SSH1: variants seen among roughly 807,000 people sequenced by gnomAD.
The protein encoded by SSH1 is slingshot protein phosphatase 1, also known as protein phosphatase Slingshot homolog 1.
SSH1 carries 43 observed loss-of-function variants against 79.7 expected under a neutral mutation model. That is an observed-to-expected ratio of 0.54 (90% confidence interval 0.42 to 0.70). The LOEUF is 0.70. Ranked by LOEUF, SSH1 falls within the 30% of genes least tolerant of loss-of-function variation. SSH1 has a pLI of 0.00. For synonymous variants in SSH1, 599 were observed against 538.3 expected (o/e 1.11, Z -1.56); for missense variants, 1,206 against 1,358.8 (o/e 0.89, Z 1.77).
At chr12:108,790,664 G>C (rs565770411) in intron 14 of SSH1, among the ~76,000 whole-genome samples, 2 of 152,342 alleles carry the variant, frequency 1.3e-5, no homozygotes, top group South Asian at 4.1e-4. Context: ...ATTAGTATTT[G>C]ATTTGGAATG....
intron 6 of SSH1, 38 bp downstream of exon 6, chr12:108,811,222 A>G (rs1469032787): frequency 6.3e-7 from 1 of 1,593,614 alleles, no homozygotes; most frequent in Non-Finnish European, 8.6e-7. Flanking sequence ...AATGCCTACT[A>G]CATACAGTGA....
At chr12:108,805,694 TA>T (rs34446364) in intron 9 of SSH1, among the ~76,000 whole-genome samples, 8,097 of 144,412 alleles carry the variant, frequency 0.056, 261 homozygotes, top group Non-Finnish European at 0.084. Flanking sequence ...CCAAGTCTCT[TA>T]AAAAAAAAAA....
intron 13 of SSH1, among the ~76,000 whole-genome samples, chr12:108,797,328 G>A (rs2036795518): frequency 6.6e-6 from 1 of 151,726 alleles, no homozygotes; most frequent in Non-Finnish European, 1.5e-5. Flanking sequence ...CAGGGTCTCA[G>A]CATGTTGCCA....
At chr12:108,849,148 C>CCT (rs2038963019) in intron 2 of SSH1, among the ~76,000 whole-genome samples, 1 of 152,220 alleles carries the variant, frequency 6.6e-6, no homozygotes, top group Non-Finnish European at 1.5e-5. Context: ...GGAAAACCCC[C>CCT]CTCCAAGGGC....
Position 108,778,647 on chromosome 12 carries a change from T to G in SSH1, c.*9341A>C, listed in dbSNP as rs2036119833. ...GTAGTGTGCCAGGCAGAAGGGGATT[T>G]GCATGCATTATCAGTGAATTCACCA... On this transcript the variant is annotated 3_prime_UTR_variant, in exon 15 of 15. Transcript: ENST00000326495. 1 of 152,358 alleles carries G rather than the reference T, an allele frequency of 6.6e-6. No individual in the cohort carries two copies. Among genetic ancestry groups the G allele is most frequent in the Non-Finnish European group, 1.5e-5 (1 of 68,166 alleles). 9.4% of individuals were successfully genotyped at this position (152,358 alleles called of 1,614,324 possible).
chr12:108,814,586 G>A (rs921090523), intron 5 of SSH1, among the ~76,000 whole-genome samples: 8 of 152,124 alleles, frequency 5.3e-5, no homozygotes, highest in African/African-American at 1.4e-4. Flanking sequence ...CAGGCCCAGC[G>A]ACAGGAAAGA....
intron 2 of SSH1, among the ~76,000 whole-genome samples, chr12:108,848,579 C>T (rs1481348141): frequency 1.3e-5 from 2 of 152,184 alleles, no homozygotes; most frequent in Non-Finnish European, 2.9e-5. Flanking sequence ...AGAGAAGAGG[C>T]CTGAAAATGC....
At chr12:108,851,456 T>C (rs2039038039) in intron 2 of SSH1, among the ~76,000 whole-genome samples, 2 of 151,612 alleles carry the variant, frequency 1.3e-5, no homozygotes, top group Non-Finnish European at 2.9e-5. Flanking sequence ...AAACAGACTA[T>C]TTTTTTTTAA....
chr12:108,823,463 T>C (rs1458642604), intron 2 of SSH1, 102 bp from the exon 3 acceptor site: 3 of 914,588 alleles, frequency 3.3e-6, no homozygotes, highest in African/African-American at 1.6e-5. Flanking sequence ...ACAAATGGCA[T>C]GTAAAATGCA....
chr12:108,784,782 T>C lies in SSH1; in HGVS notation c.*3206A>G, dbSNP rs549328270. ...ACTTTTGGCATGCCACATGAATTAA[T>C]GTGAGGCAGAAGATAAGATTCAGCT... is the stretch of plus-strand genomic sequence containing the variant. On this transcript the variant is annotated 3_prime_UTR_variant, in exon 15 of 15. Transcript: ENST00000326495. 5.0e-4 allele frequency: 76 copies of C among 152,342 alleles called. No homozygotes were observed. The highest frequency in any genetic ancestry group is 1.5e-3 in the African/African-American group (64 of 41,586). The allele number at this position is 152,342 out of a possible 1,614,324, so 9.4% of individuals were successfully genotyped here. A position where few individuals can be genotyped will look rare whatever the true frequency, so the allele number is the denominator to read the frequency against.
In SSH1 at chr12:108,800,798, T is replaced by C. The variant is rs140403369; in HGVS notation, c.1130A>G (p.His377Arg). 6.2e-7 allele frequency: 1 copy of C among 1,614,130 alleles called. No individual in the cohort carries two copies. ...CACTTACTTCGCTTTGTTTATAAAA[T>C]GATACGCTTCATTCCAGTGGGCGAG... ...DLLAHWNEAYHFINKAKRNHS... is the reference protein window; with the variant it reads ...DLLAHWNEAYRFINKAKRNHS... The change falls in exon 12 of 15, where the codon CAT becomes CGT. Residue 377 changes from histidine to arginine, a missense_variant. Physicochemically the swap from His to Arg is conservative, Grantham distance 29. Coordinates refer to ENST00000326495, the MANE Select transcript of SSH1 (RefSeq NM_018984.4).
rs1239396683 is a variant in SSH1 at position 108,845,259 on chromosome 12, TA to T, written c.110+7378del. On this transcript the variant is annotated intron_variant, in intron 2 of 14. Transcript: ENST00000326495. ...AATTCAGCCAAGAACCACGTGAGCT[TA>T]AAAGAGGACCCTGGGGTTCAGACAA... Among the ~76,000 whole-genome samples, 3 of 149,324 alleles carry T rather than the reference TA, an allele frequency of 2.0e-5. No homozygotes were observed. The East Asian group carries it at 5.8e-4, about 29-fold the overall frequency.
In SSH1 at chr12:108,807,970, C is replaced by A; in HGVS notation, c.537-143G>T. ...TTTCTTTTTGGGACAGAGTCTCGCT[C>A]TGTCACTCCCAGGCTAGAGTGCAGT... is the stretch of plus-strand genomic sequence containing the variant. On this transcript the variant is annotated intron_variant, in intron 7 of 14. Coordinates refer to ENST00000326495, the MANE Select transcript of SSH1 (RefSeq NM_018984.4). This position sits in a 1 kb window ranked among gnomAD's most constrained non-coding sequence, Gnocchi z 5.2. 1.3e-6 allele frequency: 1 copy of A among 775,692 alleles called. No homozygotes were observed. The allele number at this position is 775,692 out of a possible 1,614,324, so 48.1% of individuals were successfully genotyped here.
chr12:108,838,531 C>T (rs949978418), intron 2 of SSH1, among the ~76,000 whole-genome samples: 1 of 152,194 alleles, frequency 6.6e-6, no homozygotes, highest in Non-Finnish European at 1.5e-5. Flanking sequence ...GAAGGGCACG[C>T]GAAGCCAGGA....
chr12:108,849,246 C>T (rs1249111889), intron 2 of SSH1, among the ~76,000 whole-genome samples: 4 of 152,162 alleles, frequency 2.6e-5, no homozygotes, highest in Non-Finnish European at 5.9e-5. Context: ...GAGAAAGGGA[C>T]CTTTTATTAG....
chr12:108,806,880 T>A (rs1189772265), intron 8 of SSH1, among the ~76,000 whole-genome samples: 1 of 152,204 alleles, frequency 6.6e-6, no homozygotes, highest in Admixed American at 6.5e-5. Flanking sequence ...TTCTTCCCCA[T>A]GAGGAATCTT....
chr12:108,826,699 A>G (rs1216336478), intron 2 of SSH1, among the ~76,000 whole-genome samples: 1 of 152,160 alleles, frequency 6.6e-6, no homozygotes, highest in Non-Finnish European at 1.5e-5. Context: ...TGAATACTGT[A>G]TCTGACGACT....
rs377330268 is a variant in SSH1, at chr12:108,847,630, T to C, written c.110+5008A>G. Among the ~76,000 whole-genome samples the C allele has an allele frequency of 2.7e-4, 41 of 152,216 alleles. No individual in the cohort carries two copies. The South Asian group carries it at 8.5e-3, about 32-fold the overall frequency. ...GCACCACCAGGCCGGCTGATTTTTG[T>C]ATTTTTAGTAGAAAGGGGGTTTCAC... is the stretch of plus-strand genomic sequence containing the variant. On this transcript the variant is annotated intron_variant, in intron 2 of 14. Coordinates refer to ENST00000326495, the MANE Select transcript of SSH1 (RefSeq NM_018984.4).
chr12:108,841,523 T>C (rs1370850717), intron 2 of SSH1, among the ~76,000 whole-genome samples: 1 of 152,112 alleles, frequency 6.6e-6, no homozygotes, highest in African/African-American at 2.4e-5. Context: ...AAAAAATATA[T>C]AGGGCCGGGT....
Sources: allele counts gnomAD v4.1 joint callset (sites outside exome capture counted in the v4.1 genomes callset), GRCh38; gene constraint gnomAD v4.1.1; non-coding constraint Gnocchi (gnomAD v3.1); transcripts MANE v1.5; gene names NCBI Gene and HGNC (gene_info 2026-07-23, HGNC 2026-07-21).